Variants in PARM1 observed in about 807,000 individuals in gnomAD.
PARM1 encodes the protein prostate androgen-regulated mucin-like protein 1.
A neutral mutation model predicts 24.6 loss-of-function variants in PARM1; 14 were observed. That is an observed-to-expected ratio of 0.57 (90% CI 0.38 to 0.89). The LOEUF (loss-of-function observed/expected upper bound fraction) is 0.89. PARM1 is among the 40% of genes least tolerant of loss of function. PARM1 has a pLI of 0.00. For synonymous variants in PARM1, 179 were observed against 156.6 expected (o/e 1.14, Z -1.07); for missense variants, 362 against 380.4 (o/e 0.95, Z 0.40).
chr4:74,939,473 A>G (rs555634598), intron 1 of PARM1, among the ~76,000 whole-genome samples: 3 of 152,216 alleles, frequency 2.0e-5, no homozygotes, highest in African/African-American at 7.2e-5. Context: ...AATGGTAGCA[A>G]TGATCTTGCT....
chr4:75,035,585 T>A (rs1723354304), intron 3 of PARM1, among the ~76,000 whole-genome samples: 1 of 152,078 alleles, frequency 6.6e-6, no homozygotes, highest in Non-Finnish European at 1.5e-5. Flanking sequence ...CCTCCTCTCA[T>A]CCCCACTCGC....
intron 1 of PARM1, among the ~76,000 whole-genome samples, chr4:74,942,103 A>G (rs1332681897): frequency 6.6e-6 from 1 of 152,210 alleles, no homozygotes; most frequent in East Asian, 1.9e-4. Context: ...GTCTCTATCA[A>G]GTATGTATAC....
intron 1 of PARM1, among the ~76,000 whole-genome samples, chr4:74,940,821 T>C (rs1223653947): frequency 1.3e-5 from 2 of 152,224 alleles, no homozygotes; most frequent in Non-Finnish European, 1.5e-5. Flanking sequence ...AGGGTGTCTG[T>C]TTATTTAGTA....
At chr4:75,018,775 C>G (rs964123198) in intron 2 of PARM1, among the ~76,000 whole-genome samples, 1 of 152,166 alleles carries the variant, frequency 6.6e-6, no homozygotes, top group Non-Finnish European at 1.5e-5. Flanking sequence ...ATCTGTTTTA[C>G]AGGTGACAAA....
At chr4:75,044,886 C>T (rs767702245) in intron 3 of PARM1, among the ~76,000 whole-genome samples, 1 of 152,120 alleles carries the variant, frequency 6.6e-6, no homozygotes, top group African/African-American at 2.4e-5. Context: ...AGGGAAACTC[C>T]CCCTTACAGA....
chr4:75,039,263 G>T (rs1043166051), intron 3 of PARM1, among the ~76,000 whole-genome samples: 7 of 152,158 alleles, frequency 4.6e-5, no homozygotes, highest in African/African-American at 7.2e-5. Context: ...CGGGTGTGGT[G>T]GCTCACGCCT....
chr4:74,952,123 T>C (rs1381194973), intron 1 of PARM1, among the ~76,000 whole-genome samples: 1 of 152,176 alleles, frequency 6.6e-6, no homozygotes, highest in Non-Finnish European at 1.5e-5. Context: ...TTTTAATGAT[T>C]GCCATTCTAA....
At chr4:75,016,278 G>A (rs1722985553) in intron 2 of PARM1, among the ~76,000 whole-genome samples, 1 of 152,142 alleles carries the variant, frequency 6.6e-6, no homozygotes, top group South Asian at 2.1e-4. Context: ...GATCATTAAG[G>A]GTGGACACAC....
At chr4:74,979,047 G>T (rs1192980179) in intron 1 of PARM1, among the ~76,000 whole-genome samples, 4 of 151,598 alleles carry the variant, frequency 2.6e-5, no homozygotes, top group Non-Finnish European at 4.4e-5. Context: ...ACAATGAAAA[G>T]AACTAGAGAA....
At chr4:74,950,415 C>T (rs1228509902) in intron 1 of PARM1, among the ~76,000 whole-genome samples, 1 of 152,150 alleles carries the variant, frequency 6.6e-6, no homozygotes, top group African/African-American at 2.4e-5. Flanking sequence ...TCTCACATGG[C>T]CCCCTTTCCT....
At chr4:75,039,980 T>C (rs1014851231) in intron 3 of PARM1, among the ~76,000 whole-genome samples, 1 of 152,226 alleles carries the variant, frequency 6.6e-6, no homozygotes, top group Non-Finnish European at 1.5e-5. Flanking sequence ...CTGTGCATGC[T>C]TCCCTCATAC....
intron 1 of PARM1, chr4:74,969,359 A>G (rs1721976280): frequency 6.6e-6 from 1 of 152,218 alleles, no homozygotes; most frequent in East Asian, 1.9e-4. Context: ...GTAAGAAGGG[A>G]CTTAAATGCC....
intron 1 of PARM1, among the ~76,000 whole-genome samples, chr4:74,945,919 C>G (rs1474529925): frequency 6.6e-6 from 1 of 152,156 alleles, no homozygotes; most frequent in African/African-American, 2.4e-5. Context: ...GAAAGCAGCA[C>G]AGGTGTGACT....
chr4:75,012,122 A>G (rs1245834261), intron 1 of PARM1, among the ~76,000 whole-genome samples: 1 of 152,146 alleles, frequency 6.6e-6, no homozygotes, highest in Non-Finnish European at 1.5e-5. Context: ...CTTACTCTCT[A>G]AGGACATGAT....
chr4:75,036,208 C>G (rs1239668740), intron 3 of PARM1, among the ~76,000 whole-genome samples: 1 of 152,142 alleles, frequency 6.6e-6, no homozygotes, highest in Admixed American at 6.5e-5. Context: ...GAAACACTTC[C>G]TTCTTGCTAC....
chr4:74,973,475 G>A (rs998554402), intron 1 of PARM1, among the ~76,000 whole-genome samples: 8 of 8,354 alleles, frequency 9.6e-4, no homozygotes, highest in African/African-American at 3.0e-3. Context: ...CCCCCTCACC[G>A]CCTCCCCAGT....
intron 2 of PARM1, among the ~76,000 whole-genome samples, chr4:75,018,797 G>A (rs1241029324): frequency 6.6e-6 from 1 of 152,192 alleles, no homozygotes; most frequent in Non-Finnish European, 1.5e-5. Context: ...CAAGTCCAGA[G>A]AGACTAAGTG....
intron 1 of PARM1, among the ~76,000 whole-genome samples, chr4:74,936,898 G>A (rs1407417294): frequency 6.6e-6 from 1 of 152,126 alleles, no homozygotes; most frequent in African/African-American, 2.4e-5. Flanking sequence ...AAACCTCATG[G>A]TCCTATTTCT....
In PARM1 at chr4:75,012,868, A is replaced by C. The variant is rs757858586; in HGVS notation, c.487A>C (p.Thr163Pro). The part of the protein sequence containing the change: ...APASSPSSLS[T>P]SPPEVFSASV... The stretch of plus-strand genomic sequence containing the variant: ...AGCCTCATCACCCTCATCCCTATCA[A>C]CCTCACCACCTGAGGTCTTTTCTGC... Residue 163 changes from threonine to proline, a missense_variant, in exon 2 of 4, where the codon ACC (threonine) becomes CCC (proline). Transcript: ENST00000307428. 1 of 1,613,574 alleles carries C rather than the reference A, an allele frequency of 6.2e-7. No individual in the cohort carries two copies. Among genetic ancestry groups the C allele is most frequent in the African/African-American group, 1.3e-5 (1 of 74,904 alleles).
Sources: allele counts gnomAD v4.1 joint callset (sites outside exome capture counted in the v4.1 genomes callset), GRCh38; gene constraint gnomAD v4.1.1; transcripts MANE v1.5; gene names NCBI Gene and HGNC (gene_info 2026-07-23, HGNC 2026-07-21).